CREB5: variants seen among roughly 807,000 people sequenced by gnomAD.
CREB5 encodes cyclic AMP-responsive element-binding protein 5.
In CREB5, 19 loss-of-function variants were observed where a neutral mutation model predicts 57.1. That is an observed-to-expected ratio of 0.33 (90% CI 0.23 to 0.49). The LOEUF (loss-of-function observed/expected upper bound fraction) is 0.49. CREB5 is among the 20% of genes least tolerant of loss of function. The pLI, the probability that CREB5 is intolerant of heterozygous loss-of-function variation, is 0.99. For missense variants in CREB5, 579 were observed against 671.6 expected (o/e 0.86, Z 1.52); for synonymous variants, 238 against 238.3 (o/e 1.00, Z 0.01).
At chr7:28,534,720 TC>T in intron 4 of CREB5, among the ~76,000 whole-genome samples, 2 of 104,140 alleles carry the variant, frequency 1.9e-5, no homozygotes, top group Non-Finnish European at 4.6e-5. Flanking sequence ...ACCATCTGCA[TC>T]ATCATCTTAA....
In CREB5 at chr7:28,560,333, G is replaced by A. The variant is rs550298188; in HGVS notation, c.292-10032G>A. Among the ~76,000 whole-genome samples, 4 of 152,264 alleles carry A rather than the reference G, an allele frequency of 2.6e-5. No individual in the cohort carries two copies. The South Asian group carries it at 6.2e-4, about 24-fold the overall frequency. ...CCAGTGTGGCTGGAGTTTAGGGTTT[G>A]CACAGGGGATAGTGGTAGGAGATGA... On this transcript the variant is annotated intron_variant, in intron 4 of 10. Coordinates refer to ENST00000357727, the MANE Select transcript of CREB5 (RefSeq NM_182898.4).
intron 1 of CREB5, among the ~76,000 whole-genome samples, chr7:28,304,793 C>T (rs79342567): frequency 6.6e-6 from 1 of 152,146 alleles, no homozygotes; most frequent in East Asian, 1.9e-4. Context: ...CCATGATAGA[C>T]TATTAAGTGG....
At chr7:28,550,585 A>G (rs545279692) in intron 4 of CREB5, among the ~76,000 whole-genome samples, 3 of 152,116 alleles carry the variant, frequency 2.0e-5, no homozygotes, top group Admixed American at 1.3e-4. Context: ...TGCCTCTTCT[A>G]TCTCCCTCAT....
At chr7:28,553,717 G>C (rs1794760160) in intron 4 of CREB5, among the ~76,000 whole-genome samples, 1 of 152,214 alleles carries the variant, frequency 6.6e-6, no homozygotes, top group Non-Finnish European at 1.5e-5. Flanking sequence ...CAGAATGAAA[G>C]TGATTCTTTG....
At chr7:28,735,182 A>T (rs1038205452) in intron 7 of CREB5, among the ~76,000 whole-genome samples, 12 of 151,656 alleles carry the variant, frequency 7.9e-5, no homozygotes, top group African/African-American at 2.9e-4. Context: ...CAGTGTTTAG[A>T]GGTTTGTTTT....
At chr7:28,763,557 C>T (rs1019481641) in intron 7 of CREB5, among the ~76,000 whole-genome samples, 1 of 152,120 alleles carries the variant, frequency 6.6e-6, no homozygotes, top group Non-Finnish European at 1.5e-5. Flanking sequence ...CCTTTAAAAG[C>T]GAGTCTTGCT....
rs551543187 is a variant in CREB5, at chr7:28,642,622, G to A, written c.464+72085G>A. 9.9e-5 allele frequency among the ~76,000 whole-genome samples: 15 copies of A among 152,184 alleles called. No individual in the cohort carries two copies. The South Asian group carries it at 1.9e-3, about 19-fold the overall frequency. On this transcript the variant is annotated intron_variant, in intron 5 of 10. Transcript: ENST00000357727. ...CTGTCAAGGAATAAACATGCTGCTCGGCAATGGGGTAATACTTTTTATTAG... is the reference window on the plus strand; with the variant it reads ...CTGTCAAGGAATAAACATGCTGCTCAGCAATGGGGTAATACTTTTTATTAG...
chr7:28,349,424 T>C (rs947248176), intron 1 of CREB5, among the ~76,000 whole-genome samples: 1 of 151,804 alleles, frequency 6.6e-6, no homozygotes, highest in African/African-American at 2.4e-5. Context: ...TTGATACAAA[T>C]TCCCCCCATT....
intron 4 of CREB5, among the ~76,000 whole-genome samples, chr7:28,537,266 AACAT>A (rs1794000655): frequency 6.6e-6 from 1 of 152,214 alleles, no homozygotes; most frequent in African/African-American, 2.4e-5. Flanking sequence ...GAAGCAAATT[AACAT>A]ATTTGTCATC....
intron 7 of CREB5, among the ~76,000 whole-genome samples, chr7:28,737,564 TATATATATATATATA>T (rs1562606581): frequency 1.8e-5 from 2 of 110,168 alleles, no homozygotes; most frequent in Non-Finnish European, 4.3e-5. Context: ...TATATATATA[TATATATATATATATA>T]TATATATATT....
Position 28,776,782 on chromosome 7 carries a change from G to A in CREB5, c.703-27417G>A, listed in dbSNP as rs367747034. Among the ~76,000 whole-genome samples the A allele has an allele frequency of 3.9e-5, 6 of 152,294 alleles. No individual in the cohort carries two copies. The South Asian group carries it at 1.2e-3, about 32-fold the overall frequency. On this transcript the variant is annotated intron_variant, in intron 7 of 10. Coordinates refer to ENST00000357727, the MANE Select transcript of CREB5 (RefSeq NM_182898.4). The stretch of plus-strand genomic sequence containing the variant: ...GCCTCTTTGGATATTTCATAAAAAT[G>A]GGATCTGTTATATGTGGCCTTTTGT...
intron 1 of CREB5, among the ~76,000 whole-genome samples, chr7:28,397,496 C>T (rs1190823119): frequency 6.6e-6 from 1 of 152,176 alleles, no homozygotes; most frequent in Non-Finnish European, 1.5e-5. Flanking sequence ...TGAGAATTTG[C>T]ATCTAGGAGA....
rs905751969 is a variant in CREB5, at chr7:28,613,652, T to C, written c.464+43115T>C. Among the ~76,000 whole-genome samples, 40 of 152,206 alleles carry C rather than the reference T, an allele frequency of 2.6e-4. 1 individual carries two copies. Among genetic ancestry groups the C allele is most frequent in the Non-Finnish European group, 1.5e-5 (1 of 68,038 alleles). On this transcript the variant is annotated intron_variant, in intron 5 of 10. Coordinates refer to ENST00000357727, the MANE Select transcript of CREB5 (RefSeq NM_182898.4). ...TGGTCATTAACTGCCCTGTGTCTCG[T>C]TTGAAAATTGCTGTATTTGATATTT... is the stretch of plus-strand genomic sequence containing the variant.
At chr7:28,595,370 G>A (rs1050017231) in intron 5 of CREB5, among the ~76,000 whole-genome samples, 4 of 152,062 alleles carry the variant, frequency 2.6e-5, no homozygotes, top group Non-Finnish European at 4.4e-5. Flanking sequence ...TCCCTCCATC[G>A]TTTTTATAGA....
intron 5 of CREB5, among the ~76,000 whole-genome samples, chr7:28,705,434 T>G (rs2391683): frequency 0.69 from 104,040 of 151,026 alleles, 36,454 homozygotes; most frequent in Admixed American, 0.76. Context: ...AAGGGATTTT[T>G]GGGGGAACAC....
chr7:28,802,078 G>GAA (rs35658848), intron 7 of CREB5, among the ~76,000 whole-genome samples: 4,015 of 26,540 alleles, frequency 0.15, 1,249 homozygotes, highest in African/African-American at 0.4. Flanking sequence ...GACTCCATCT[G>GAA]AAAAAAAAAA....
chr7:28,428,476 A>G (rs1788593105), intron 1 of CREB5, among the ~76,000 whole-genome samples: 1 of 152,144 alleles, frequency 6.6e-6, no homozygotes, highest in Admixed American at 6.5e-5. Flanking sequence ...AAAGGTGGTG[A>G]GAAAGAGTTG....
intron 5 of CREB5, among the ~76,000 whole-genome samples, chr7:28,663,607 A>G (rs970685118): frequency 8.5e-5 from 13 of 152,158 alleles, no homozygotes; most frequent in African/African-American, 2.9e-4. Flanking sequence ...AGTTGGAACC[A>G]TCTCTGGTTT....
At chr7:28,662,025 T>C (rs906659898) in intron 5 of CREB5, among the ~76,000 whole-genome samples, 1 of 152,180 alleles carries the variant, frequency 6.6e-6, no homozygotes, top group Non-Finnish European at 1.5e-5. Flanking sequence ...ATTAGGTCTG[T>C]GCATGCCAAC....
Sources: gnomAD v4.1 joint callset for allele counts (sites outside exome capture counted in the v4.1 genomes callset) on GRCh38, gnomAD v4.1.1 for gene constraint, MANE v1.5 for transcripts, NCBI Gene and HGNC (gene_info 2026-07-23, HGNC 2026-07-21) for gene names.